P2RX3: variants seen among roughly 807,000 people sequenced by gnomAD.
The protein encoded by P2RX3 is P2X purinoceptor 3.
P2RX3 carries 41 observed loss-of-function variants against 51.5 expected under a neutral mutation model. The observed-to-expected ratio is 0.80, with a 90% confidence interval of 0.62 to 1.03. P2RX3 has a LOEUF of 1.03. Among genes scored for constraint, P2RX3 ranks in the 50% least tolerant of loss-of-function variants. The pLI, the probability that P2RX3 is intolerant of heterozygous loss-of-function variation, is 0.00. For missense variants in P2RX3, 459 were observed against 522.1 expected (o/e 0.88, Z 1.18); for synonymous variants, 185 against 191.6 (o/e 0.97, Z 0.29).
rs1856894154 is a variant in P2RX3, at chr11:57,371,949, C to T, written c.*1952C>T. ...GGTGGTCCTCCTGTAGGTGCCTCCGCCCCTCTGGAGCCGGCCAGCAAGTGT... is the reference window on the plus strand; with the variant it reads ...GGTGGTCCTCCTGTAGGTGCCTCCGTCCCTCTGGAGCCGGCCAGCAAGTGT... On this transcript the variant is annotated 3_prime_UTR_variant, in exon 12 of 12. Coordinates refer to ENST00000263314, the MANE Select transcript of P2RX3 (RefSeq NM_002559.5). Among the ~76,000 whole-genome samples the T allele has an allele frequency of 6.6e-6, 1 of 152,104 alleles. No homozygotes were observed. Among genetic ancestry groups the T allele is most frequent in the South Asian group, 2.1e-4 (1 of 4,824 alleles).
intron 4 of P2RX3, 22 bp downstream of exon 4, chr11:57,347,500 C>T (rs1222525529): frequency 1.3e-6 from 2 of 1,551,396 alleles, no homozygotes; most frequent in African/African-American, 1.4e-5. Flanking sequence ...CCCTTACCCA[C>T]CCCACAATCC....
intron 8 of P2RX3, among the ~76,000 whole-genome samples, chr11:57,358,225 C>A (rs1460933461): frequency 6.6e-6 from 1 of 152,130 alleles, no homozygotes; most frequent in Non-Finnish European, 1.5e-5. Flanking sequence ...TTGGGCTGCT[C>A]CTACAGGTAG....
chr11:57,370,432 G>T lies in P2RX3; in HGVS notation c.*435G>T, dbSNP rs1487663945. ...AAGGCTCAGAGAGACTGAGTCATTT[G>T]CCCCAGGCCAGATAGCCAGGATGTG... is the stretch of plus-strand genomic sequence containing the variant. On this transcript the variant is annotated 3_prime_UTR_variant, in exon 12 of 12. Coordinates refer to ENST00000263314, the MANE Select transcript of P2RX3 (RefSeq NM_002559.5). 2 of 155,876 alleles carry T rather than the reference G, an allele frequency of 1.3e-5. No individual in the cohort carries two copies. Among genetic ancestry groups the T allele is most frequent in the Admixed American group, 1.3e-4 (2 of 15,728 alleles). 9.7% of individuals were successfully genotyped at this position (155,876 alleles called of 1,614,324 possible).
chr11:57,346,535 C>T lies in P2RX3; in HGVS notation c.120-9C>T. The T allele has an allele frequency of 6.2e-7, 1 of 1,613,830 alleles. No homozygotes were observed. Among genetic ancestry groups the T allele is most frequent in the South Asian group, 1.1e-5 (1 of 91,014 alleles). Reference sequence around the variant, plus strand: ...TCTCTTTCTCTTCATTTATGCTCTCCTGCCCCAGGTGGGTTTTCTTGCACG... The same window carrying T: ...TCTCTTTCTCTTCATTTATGCTCTCTTGCCCCAGGTGGGTTTTCTTGCACG... On this transcript the variant is annotated splice_polypyrimidine_tract_variant and intron_variant, in intron 1 of 11. Transcript: ENST00000263314.
rs374058907 is a variant in P2RX3 at position 57,345,877 on chromosome 11, C to T, written c.120-667C>T. Among the ~76,000 whole-genome samples, 44 of 148,054 alleles carry T rather than the reference C, an allele frequency of 3.0e-4. 1 individual carries two copies. In the South Asian group the frequency reaches 8.3e-3, roughly 28 times the overall value. ...GACTCTTCCCTCCCTCCTCCCCCAG[C>T]CCCCCCACCTTCAACCGAGCTCCTT... On this transcript the variant is annotated intron_variant, in intron 1 of 11. Coordinates refer to ENST00000263314, the MANE Select transcript of P2RX3 (RefSeq NM_002559.5).
intron 8 of P2RX3, among the ~76,000 whole-genome samples, chr11:57,363,047 T>C (rs754079651): frequency 8.5e-5 from 13 of 152,192 alleles, no homozygotes; most frequent in Non-Finnish European, 1.8e-4. Context: ...GAGCTCTTTT[T>C]CCTCCAATTT....
chr11:57,357,775 A>T (rs1212449337), intron 8 of P2RX3, among the ~76,000 whole-genome samples: 1 of 152,150 alleles, frequency 6.6e-6, no homozygotes, highest in Non-Finnish European at 1.5e-5. Flanking sequence ...TGTTCTAAGG[A>T]TGTTGCCCCA....
intron 9 of P2RX3, 74 bp from the exon 10 acceptor site, chr11:57,368,298 G>T: frequency 6.5e-7 from 1 of 1,528,378 alleles, no homozygotes. Context: ...CCCTTCTGGC[G>T]CCACGTGCAG....
upstream of P2RX3, among the ~76,000 whole-genome samples, chr11:57,336,940 T>G (rs1826517070): frequency 6.6e-6 from 1 of 152,124 alleles, no homozygotes; most frequent in African/African-American, 2.4e-5. Flanking sequence ...TAAATAGATA[T>G]TGAGGGCCTA....
intron 4 of P2RX3, among the ~76,000 whole-genome samples, chr11:57,347,913 C>A (rs1332287417): frequency 6.6e-6 from 1 of 152,092 alleles, no homozygotes; most frequent in East Asian, 1.9e-4. Context: ...GACTCAGAGG[C>A]AAGGAAGGAA....
intron 8 of P2RX3, among the ~76,000 whole-genome samples, chr11:57,356,214 G>T (rs970096569): frequency 6.6e-6 from 1 of 151,988 alleles, no homozygotes; most frequent in Non-Finnish European, 1.5e-5. Context: ...GGCACATCAG[G>T]ACTCAAACCC....
chr11:57,341,796 A>C (rs1301207402), intron 1 of P2RX3, among the ~76,000 whole-genome samples: 1 of 152,142 alleles, frequency 6.6e-6, no homozygotes, highest in Admixed American at 6.5e-5. Context: ...ATTGTGCTGA[A>C]GGGTCACTGG....
At chr11:57,365,757 A>G (rs1175917460) in intron 8 of P2RX3, among the ~76,000 whole-genome samples, 2 of 152,220 alleles carry the variant, frequency 1.3e-5, no homozygotes, top group Non-Finnish European at 2.9e-5. Flanking sequence ...GCCTAATTCC[A>G]GAATGCCCCA....
intron 11 of P2RX3, 61 bp downstream of exon 11, chr11:57,369,499 G>A (rs566178214): frequency 6.6e-7 from 1 of 1,509,158 alleles, no homozygotes; most frequent in African/African-American, 1.4e-5. Flanking sequence ...GGCAGGGGCA[G>A]GGACTCTCAG....
intron 8 of P2RX3, among the ~76,000 whole-genome samples, chr11:57,365,299 G>C (rs1337898160): frequency 1.3e-5 from 2 of 152,222 alleles, no homozygotes; most frequent in African/African-American, 4.8e-5. Flanking sequence ...CCAGTGAAGG[G>C]CCTCTGTGCT....
chr11:57,342,884 G>A (rs1326018728), intron 1 of P2RX3, among the ~76,000 whole-genome samples: 1 of 152,076 alleles, frequency 6.6e-6, no homozygotes, highest in Non-Finnish European at 1.5e-5. Flanking sequence ...TTGGCTCCCT[G>A]GGGGCGGATG....
rs138455729 is a variant in P2RX3 at position 57,354,321 on chromosome 11, G to A, written c.842+3423G>A. On this transcript the variant is annotated intron_variant, in intron 8 of 11. Coordinates refer to ENST00000263314, the MANE Select transcript of P2RX3 (RefSeq NM_002559.5). ...ATTTTTACTCCTTGGTCTGTTCTGCGTGGCTAAAGACTCCGTGGGCCGCTT... is the reference window on the plus strand; with the variant it reads ...ATTTTTACTCCTTGGTCTGTTCTGCATGGCTAAAGACTCCGTGGGCCGCTT... Among the ~76,000 whole-genome samples the A allele has an allele frequency of 4.4e-3, 669 of 152,140 alleles. 1 individual carries two copies. The highest frequency in any genetic ancestry group is 9.4e-3 in the Admixed American group (143 of 15,292).
intron 8 of P2RX3, among the ~76,000 whole-genome samples, chr11:57,362,478 T>C (rs1856735832): frequency 6.6e-6 from 1 of 152,236 alleles, no homozygotes; most frequent in South Asian, 2.1e-4. Flanking sequence ...TACAGGGTCC[T>C]TCTGTCCTGA....
chr11:57,352,223 C>T (rs985068542), intron 8 of P2RX3, among the ~76,000 whole-genome samples: 6 of 151,810 alleles, frequency 4.0e-5, no homozygotes, highest in Non-Finnish European at 8.8e-5. Flanking sequence ...AATCACCCAC[C>T]CCATTAAGCT....
Sources: allele counts gnomAD v4.1 joint callset (sites outside exome capture counted in the v4.1 genomes callset), GRCh38; gene constraint gnomAD v4.1.1; transcripts MANE v1.5; gene names NCBI Gene and HGNC (gene_info 2026-07-23, HGNC 2026-07-21).